CPSF6: variants seen among roughly 807,000 people sequenced by gnomAD.
The protein encoded by CPSF6 is cleavage and polyadenylation specific factor 6, also known as cleavage and polyadenylation specificity factor subunit 6.
Under a neutral mutation model 56.7 loss-of-function variants are expected in CPSF6, and 10 were observed. The ratio of observed to expected loss-of-function variants is 0.18; its 90% CI spans 0.11 to 0.30. The LOEUF is 0.30. CPSF6 is among the 10% of genes least tolerant of loss of function. The pLI is 1.00. For missense variants in CPSF6, 419 were observed against 722.9 expected (o/e 0.58, Z 4.82); for synonymous variants, 248 against 244.8 (o/e 1.01, Z -0.12).
At chr12:69,262,583 G>A in intron 9 of CPSF6, 21 bp downstream of exon 9, 1 of 1,590,156 alleles carries the variant, frequency 6.3e-7, no homozygotes, top group Non-Finnish European at 8.6e-7. Flanking sequence ...CTTGTTCCCT[G>A]TTAAATGTGT....
chr12:69,242,700 CAGT>C (rs1230185144), intron 1 of CPSF6, among the ~76,000 whole-genome samples: 1 of 152,196 alleles, frequency 6.6e-6, no homozygotes, highest in Non-Finnish European at 1.5e-5. Flanking sequence ...TTCTGTCTCA[CAGT>C]AGCATATCAA....
chr12:69,251,022 G>A lies in CPSF6; in HGVS notation c.61-107G>A. 9.4e-6 allele frequency: 10 copies of A among 1,062,738 alleles called. No homozygotes were observed. The South Asian group carries it at 1.6e-4, about 17-fold the overall frequency. 65.8% of individuals were successfully genotyped at this position (1,062,738 alleles called of 1,614,324 possible). A position where few individuals can be genotyped will look rare whatever the true frequency, so the allele number is the denominator to read the frequency against. On this transcript the variant is annotated intron_variant, in intron 1 of 9. Transcript: ENST00000435070. ...AAAAAGATTTGTACTGAAATCCTTG[G>A]CCTTTTTCCATCAGATTTTTAAAAC...
Position 69,264,193 on chromosome 12 carries a change from G to A in CPSF6, c.*3+1631G>A, listed in dbSNP as rs113275499. 6.0e-3 allele frequency among the ~76,000 whole-genome samples: 911 copies of A among 152,082 alleles called. 7 individuals carry two copies. Among genetic ancestry groups the A allele is most frequent in the African/African-American group, 0.021 (864 of 41,518 alleles). On this transcript the variant is annotated intron_variant, in intron 9 of 9. Coordinates refer to ENST00000435070, the MANE Select transcript of CPSF6 (RefSeq NM_007007.3). ...GTTATTAGTTGAAATGCTTACCTAT[G>A]TCAGTCATTTCCATTATAGAAGGGT... is the stretch of plus-strand genomic sequence containing the variant.
chr12:69,260,599 A>G (rs1282717131), intron 8 of CPSF6, among the ~76,000 whole-genome samples: 2 of 152,048 alleles, frequency 1.3e-5, no homozygotes, highest in East Asian at 3.9e-4. Flanking sequence ...CTGGCTCCTT[A>G]TTCTTCACGT....
intron 1 of CPSF6, among the ~76,000 whole-genome samples, chr12:69,247,211 G>A (rs888922941): frequency 2.0e-5 from 3 of 152,128 alleles, no homozygotes; most frequent in Admixed American, 6.5e-5. Context: ...GGAACTAATA[G>A]GATTTTGGTC....
intron 9 of CPSF6, among the ~76,000 whole-genome samples, chr12:69,267,185 GTATT>G (rs1873031446): frequency 1.3e-5 from 2 of 152,048 alleles, no homozygotes; most frequent in South Asian, 2.1e-4. Flanking sequence ...GCCCTGTCAA[GTATT>G]TATTTAAATC....
chr12:69,241,648 T>C (rs1477535315), intron 1 of CPSF6, among the ~76,000 whole-genome samples: 1 of 152,218 alleles, frequency 6.6e-6, no homozygotes, highest in East Asian at 1.9e-4. Flanking sequence ...TAGCAAGTGC[T>C]GACTGGGCAG....
intron 9 of CPSF6, among the ~76,000 whole-genome samples, chr12:69,263,872 G>T (rs931093350): frequency 5.9e-5 from 9 of 151,924 alleles, no homozygotes; most frequent in African/African-American, 2.2e-4. Flanking sequence ...TTTGCATTTT[G>T]AATATGCAGA....
In CPSF6 at chr12:69,249,168, G is replaced by GC. The variant is rs1274639715; in HGVS notation, c.61-1961_61-1960insC. On this transcript the variant is annotated intron_variant, in intron 1 of 9. Coordinates refer to ENST00000435070, the MANE Select transcript of CPSF6 (RefSeq NM_007007.3). Reference sequence around the variant, plus strand: ...CCAGCTACTCGGGGGGGGGGGGGGGGGCTGAGGCAGGAGAATGGCGTGAAC... The same window carrying GC: ...CCAGCTACTCGGGGGGGGGGGGGGGGCGCTGAGGCAGGAGAATGGCGTGAAC... Among the ~76,000 whole-genome samples, 317 of 33,886 alleles carry GC rather than the reference G, an allele frequency of 9.4e-3. 87 individuals carry two copies. The highest frequency in any genetic ancestry group is 0.016 in the Non-Finnish European group (242 of 15,152). 22.2% of individuals were successfully genotyped at this position (33,886 alleles called of 152,430 possible). A position where few individuals can be genotyped will look rare whatever the true frequency, so the allele number is the denominator to read the frequency against.
intron 9 of CPSF6, among the ~76,000 whole-genome samples, chr12:69,265,507 T>A (rs998077665): frequency 6.6e-6 from 1 of 152,148 alleles, no homozygotes; most frequent in Admixed American, 6.5e-5. Context: ...CTCTATTTTA[T>A]GAGGTTTTAC....
At chr12:69,260,778 C>T (rs1281498628) in intron 8 of CPSF6, among the ~76,000 whole-genome samples, 2 of 152,146 alleles carry the variant, frequency 1.3e-5, no homozygotes, top group African/African-American at 2.4e-5. Context: ...ATCCTGCTTA[C>T]TATATTTCTT....
rs1872646256 is a variant in CPSF6 at position 69,259,310 on chromosome 12, G to A, written c.1200-118G>A. The stretch of plus-strand genomic sequence containing the variant: ...AAGTAGCATGCTTCAATATGGAAAA[G>A]TAACTACTATCTCTAAAGCACATGT... On this transcript the variant is annotated intron_variant, in intron 6 of 9. Coordinates refer to ENST00000435070, the MANE Select transcript of CPSF6 (RefSeq NM_007007.3). The A allele has an allele frequency of 3.7e-6, 5 of 1,352,664 alleles. No homozygotes were observed. In the Admixed American group the frequency reaches 7.8e-5, roughly 21 times the overall value. 83.8% of individuals were successfully genotyped at this position (1,352,664 alleles called of 1,614,324 possible). A position where few individuals can be genotyped will look rare whatever the true frequency, so the allele number is the denominator to read the frequency against.
chr12:69,264,010 T>C (rs1015883462), intron 9 of CPSF6, among the ~76,000 whole-genome samples: 6 of 152,228 alleles, frequency 3.9e-5, no homozygotes, highest in South Asian at 2.1e-4. Flanking sequence ...GAAATTGATA[T>C]TGTTTTTGAA....
chr12:69,260,292 C>A, intron 8 of CPSF6, 95 bp downstream of exon 8: 1 of 939,338 alleles, frequency 1.1e-6, no homozygotes, highest in Non-Finnish European at 1.5e-6. Flanking sequence ...TTTGCTTTTA[C>A]TTACTGATTA....
chr12:69,262,529 T>C lies in CPSF6; in HGVS notation c.1626T>C (p.Arg542=), dbSNP rs1317254435. ...RDRDRDRDRE[R]DREREYRHR is the part of the protein sequence containing the mutation. ...GTGACCGAGACCGTGACCGAGAGCGTGACCGAGAGCGCGAATATCGTCATC... is the reference window on the plus strand; with the variant it reads ...GTGACCGAGACCGTGACCGAGAGCGCGACCGAGAGCGCGAATATCGTCATC... Residue 542 remains arginine, a synonymous_variant, in exon 9 of 10, where the codon CGT becomes CGC. Transcript: ENST00000435070. 1 of 1,613,576 alleles carries C rather than the reference T, an allele frequency of 6.2e-7. No individual in the cohort carries two copies. Among genetic ancestry groups the C allele is most frequent in the East Asian group, 2.2e-5 (1 of 44,882 alleles).
At position 69,269,909 on chromosome 12, in the gene CPSF6, A is replaced by C. The variant is rs1187241761; in HGVS notation, c.*401A>C. ...AACAGCATCACTTTGATTACAATAGATGTAGTGTTGTAATAAACTGTTTAA... is the reference window on the plus strand; with the variant it reads ...AACAGCATCACTTTGATTACAATAGCTGTAGTGTTGTAATAAACTGTTTAA... On this transcript the variant is annotated 3_prime_UTR_variant, in exon 10 of 10. Coordinates refer to ENST00000435070, the MANE Select transcript of CPSF6 (RefSeq NM_007007.3). 6.0e-6 allele frequency: 1 copy of C among 165,668 alleles called. No individual in the cohort carries two copies. The highest frequency in any genetic ancestry group is 1.3e-5 in the Non-Finnish European group (1 of 76,096). 10.3% of individuals were successfully genotyped at this position (165,668 alleles called of 1,614,324 possible). A position where few individuals can be genotyped will look rare whatever the true frequency, so the allele number is the denominator to read the frequency against.
At chr12:69,264,033 A>G (rs961587224) in intron 9 of CPSF6, among the ~76,000 whole-genome samples, 1 of 152,110 alleles carries the variant, frequency 6.6e-6, no homozygotes, top group African/African-American at 2.4e-5. Flanking sequence ...TAAAAATTGA[A>G]TGTTGTATTA....
intron 1 of CPSF6, among the ~76,000 whole-genome samples, chr12:69,243,539 A>C (rs1251274281): frequency 6.6e-6 from 1 of 152,236 alleles, no homozygotes; most frequent in Non-Finnish European, 1.5e-5. Context: ...ACAACATATT[A>C]CTGTACTGAA....
At chr12:69,245,747 C>T (rs962095499) in intron 1 of CPSF6, among the ~76,000 whole-genome samples, 3 of 152,126 alleles carry the variant, frequency 2.0e-5, no homozygotes, top group Admixed American at 6.5e-5. Flanking sequence ...TCTGTCAGGC[C>T]ATCACCGATA....
Sources: allele counts gnomAD v4.1 joint callset (sites outside exome capture counted in the v4.1 genomes callset), GRCh38; gene constraint gnomAD v4.1.1; transcripts MANE v1.5; gene names NCBI Gene and HGNC (gene_info 2026-07-23, HGNC 2026-07-21).